RPS6KA2: variants seen among roughly 807,000 people sequenced by gnomAD.
The protein encoded by RPS6KA2 is ribosomal protein S6 kinase alpha-2.
In RPS6KA2, 42 loss-of-function variants were observed where a neutral mutation model predicts 91.8. The observed-to-expected ratio is 0.46, with a 90% CI of 0.36 to 0.59. The LOEUF (loss-of-function observed/expected upper bound fraction) is 0.59. RPS6KA2 is among the 20% of genes least tolerant of loss of function. The pLI is 0.00. For synonymous variants in RPS6KA2, 414 were observed against 393.6 expected, an observed-to-expected ratio of 1.05 and a Z score of -0.61; for missense variants, 798 against 978.5, an observed-to-expected ratio of 0.82 and a Z score of 2.46.
intron 2 of RPS6KA2, among the ~76,000 whole-genome samples, chr6:166,664,665 C>A (rs1788265705): frequency 6.6e-6 from 1 of 152,182 alleles, no homozygotes; most frequent in Non-Finnish European, 1.5e-5. Flanking sequence ...AGGCCAACCA[C>A]AGAGAATTGC....
chr6:166,538,594 A>T lies in RPS6KA2; in HGVS notation c.216+74T>A, dbSNP rs1355340285. On this transcript the variant is annotated intron_variant, in intron 2 of 20. Transcript: ENST00000265678. ...CAGGTGAGGACCGCCTGCAATTTTC[A>T]TCCAGGGGGGCTCTGTCCAGGTGTC... 5 of 844,390 alleles carry T rather than the reference A, an allele frequency of 5.9e-6. No homozygotes were observed. The African/African-American group carries it at 8.3e-5, about 14-fold the overall frequency. The allele number at this position is 844,390 out of a possible 1,614,324, so 52.3% of individuals were successfully genotyped here.
At chr6:166,607,798 G>A (rs1786007892) in intron 1 of RPS6KA2, among the ~76,000 whole-genome samples, 1 of 152,200 alleles carries the variant, frequency 6.6e-6, no homozygotes, top group Admixed American at 6.5e-5. Context: ...AAATGTTATG[G>A]CATTCAGGGC....
intron 3 of RPS6KA2, among the ~76,000 whole-genome samples, chr6:166,520,929 A>G (rs919881367): frequency 2.6e-5 from 4 of 152,156 alleles, no homozygotes; most frequent in Non-Finnish European, 5.9e-5. Flanking sequence ...GGCCAGGCAC[A>G]AGAGCCCCAG....
rs58712416 is a variant in RPS6KA2, at chr6:166,510,554, CATATATAT to C, written c.299-205_299-198del. Among the ~76,000 whole-genome samples, 437 of 78,418 alleles carry C rather than the reference CATATATAT, an allele frequency of 5.6e-3. 3 individuals are homozygous for C. Among genetic ancestry groups the C allele is most frequent in the Non-Finnish European group, 7.0e-3 (275 of 39,318 alleles). The allele number at this position is 78,418 out of a possible 152,430, so 51.4% of individuals were successfully genotyped here. A position where few individuals can be genotyped will look rare whatever the true frequency, so the allele number is the denominator to read the frequency against. ...TTTAATACATTTGCTTTCTCTCTCTCATATATATATATATATATATATATATATATATA... is the reference window on the plus strand; with the variant it reads ...TTTAATACATTTGCTTTCTCTCTCTCATATATATATATATATATATATATA... On this transcript the variant is annotated intron_variant, in intron 3 of 20. Coordinates refer to ENST00000265678, the MANE Select transcript of RPS6KA2 (RefSeq NM_021135.6).
rs56088939 is a variant in RPS6KA2 at position 166,412,809 on chromosome 6, G to A, written c.2155C>T (p.Leu719=). ...CTCTTCATGCCTCTGCGCTGAGCCAGGTTGGATGACAGCACGGGCTCCAGC... is the reference window on the plus strand; with the variant it reads ...CTCTTCATGCCTCTGCGCTGAGCCAAGTTGGATGACAGCACGGGCTCCAGC... ...PRLEPVLSSN[L]AQRRGMKRLT... The change falls in exon 21 of 21, where the codon CTG becomes TTG. Residue 719 remains leucine (L), a synonymous_variant. Coordinates refer to ENST00000265678, the MANE Select transcript of RPS6KA2 (RefSeq NM_021135.6). This position sits in a 1 kb window ranked among gnomAD's most constrained non-coding sequence, Gnocchi z 4.3. 6.5e-4 allele frequency: 1,038 copies of A among 1,593,284 alleles called. 6 individuals are homozygous for A. The African/African-American group carries it at 0.012, about 18-fold the overall frequency.
At position 166,821,931 on chromosome 6, in the gene RPS6KA2, G is replaced by A. The variant is rs994706795; in HGVS notation, c.123+36269C>T. ...ACTCAGATGTTCAGGTTCAACACTGGGCACCATCCTGAATCCCTCTCCCTC... is the reference window on the plus strand; with the variant it reads ...ACTCAGATGTTCAGGTTCAACACTGAGCACCATCCTGAATCCCTCTCCCTC... On this transcript the variant is annotated intron_variant, in intron 2 of 21. Coordinates refer to the RPS6KA2 transcript ENST00000503859. The surrounding 1 kb of genome is among the most constrained non-coding windows in gnomAD (Gnocchi z 4.1). 1.3e-5 allele frequency among the ~76,000 whole-genome samples: 2 copies of A among 151,996 alleles called. No homozygotes were observed. The highest frequency in any genetic ancestry group is 4.8e-5 in the African/African-American group (2 of 41,356).
chr6:166,768,956 G>A (rs925563555), intron 2 of RPS6KA2, among the ~76,000 whole-genome samples: 5 of 152,194 alleles, frequency 3.3e-5, no homozygotes, highest in Admixed American at 2.0e-4. Context: ...GGATGTGACT[G>A]GACACAGGGT....
chr6:166,423,454 G>A lies in RPS6KA2; in HGVS notation c.1582-37C>T, dbSNP rs1322115305. The stretch of plus-strand genomic sequence containing the variant: ...AAGGCACAGTGCCTACTTGGGGGCT[G>A]AGGACTGAGCAGGAGAGGGAGGGCA... On this transcript the variant is annotated intron_variant, in intron 16 of 20. Transcript: ENST00000265678. This position sits in a 1 kb window ranked among gnomAD's most constrained non-coding sequence, Gnocchi z 4.8. The A allele has an allele frequency of 1.1e-5, 17 of 1,585,030 alleles. No homozygotes were observed.
rs190293002 is a variant in RPS6KA2 at position 166,790,076 on chromosome 6, G to A, written c.123+68124C>T. Among the ~76,000 whole-genome samples, 275 of 152,234 alleles carry A rather than the reference G, an allele frequency of 1.8e-3. 1 individual carries two copies. The highest frequency in any genetic ancestry group is 6.4e-3 in the African/African-American group (264 of 41,540). The stretch of plus-strand genomic sequence containing the variant: ...ATCAAACTACTCTGAGCTACAGAAG[G>A]AAATTCACACCAATGGCAAAGAAGT... On this transcript the variant is annotated intron_variant, in intron 2 of 21. Transcript: ENST00000503859.
chr6:166,822,925 C>A, intron 2 of RPS6KA2, among the ~76,000 whole-genome samples: 1 of 152,326 alleles, frequency 6.6e-6, no homozygotes, highest in East Asian at 1.9e-4. Flanking sequence ...GGTAGAATGA[C>A]AAGTTTCTTT....
intron 2 of RPS6KA2, among the ~76,000 whole-genome samples, chr6:166,789,300 G>A (rs552451137): frequency 8.9e-4 from 136 of 152,324 alleles, no homozygotes; most frequent in South Asian, 7.9e-3. Flanking sequence ...AGGCTGCATC[G>A]AGGCTGGGGG....
At chr6:166,600,901 T>C (rs922077599) in intron 1 of RPS6KA2, among the ~76,000 whole-genome samples, 2 of 152,248 alleles carry the variant, frequency 1.3e-5, no homozygotes. Context: ...ATTATCCCTA[T>C]TGAAATTCAT....
At chr6:166,744,318 C>A (rs960263705) in intron 2 of RPS6KA2, among the ~76,000 whole-genome samples, 1 of 152,172 alleles carries the variant, frequency 6.6e-6, no homozygotes, top group Non-Finnish European at 1.5e-5. Context: ...CCTCGGCCAG[C>A]GTGTGCAGGG....
intron 11 of RPS6KA2, among the ~76,000 whole-genome samples, chr6:166,463,862 C>T (rs1780422533): frequency 1.3e-5 from 2 of 152,184 alleles, no homozygotes; most frequent in African/African-American, 4.8e-5. Flanking sequence ...CAAAGCGTCA[C>T]GATGGGTGTG....
At chr6:166,446,483 C>T (rs370518581) in intron 14 of RPS6KA2, among the ~76,000 whole-genome samples, 20 of 152,250 alleles carry the variant, frequency 1.3e-4, no homozygotes, top group African/African-American at 4.1e-4. Flanking sequence ...ACAGGAAGAC[C>T]GGGCTCTTTC....
intron 1 of RPS6KA2, chr6:166,862,079 G>C: frequency 6.2e-7 from 1 of 1,614,046 alleles, no homozygotes; most frequent in Non-Finnish European, 8.5e-7. Flanking sequence ...TGAGGATGCT[G>C]TGAAAAGTGC....
chr6:166,568,101 G>A (rs73788048), intron 1 of RPS6KA2, among the ~76,000 whole-genome samples: 1 of 152,152 alleles, frequency 6.6e-6, no homozygotes, highest in Non-Finnish European at 1.5e-5. Flanking sequence ...AAGAGAAAAG[G>A]GGACACTGGA....
rs1223554036 is a variant in RPS6KA2, at chr6:166,725,189, CT to C, written c.123+133010del. ...TTTCCTGGACTGAGTAAAAAAAAGT[CT>C]TTTATTTTTTTTAAAGAAAGGCTTA... On this transcript the variant is annotated intron_variant, in intron 2 of 21. Coordinates refer to the RPS6KA2 transcript ENST00000503859. Among the ~76,000 whole-genome samples the C allele has an allele frequency of 3.3e-5, 5 of 151,996 alleles. No homozygotes were observed. The South Asian group carries it at 6.2e-4, about 19-fold the overall frequency.
intron 10 of RPS6KA2, among the ~76,000 whole-genome samples, chr6:166,485,126 G>A (rs959967111): frequency 1.3e-5 from 2 of 152,250 alleles, no homozygotes; most frequent in Non-Finnish European, 2.9e-5. Flanking sequence ...TTCCAGGGCT[G>A]TGTGGGGGAG....
Sources: allele counts gnomAD v4.1 joint callset (sites outside exome capture counted in the v4.1 genomes callset), GRCh38; gene constraint gnomAD v4.1.1; non-coding constraint Gnocchi (gnomAD v3.1); transcripts MANE v1.5; gene names NCBI Gene and HGNC (gene_info 2026-07-23, HGNC 2026-07-21).